The following CDH13 variants were observed in gnomAD, a reference collection of about 807,000 sequenced individuals.
The protein encoded by CDH13 is cadherin-13.
Under a neutral mutation model 63.8 loss-of-function variants are expected in CDH13, and 24 were observed. That is an observed-to-expected ratio of 0.38 (90% confidence interval 0.27 to 0.53). The LOEUF (loss-of-function observed/expected upper bound fraction) is 0.53, where lower values mean the gene tolerates loss of function less well. CDH13 is among the 20% of genes least tolerant of loss of function. CDH13 has a pLI of 0.85. For missense variants in CDH13, 1,049 were observed against 903.1 expected (o/e 1.16, Z -2.07); for synonymous variants, 503 against 355.3 (o/e 1.42, Z -4.67).
intron 5 of CDH13, among the ~76,000 whole-genome samples, chr16:83,241,501 G>T (rs1376701303): frequency 6.6e-6 from 1 of 152,110 alleles, no homozygotes; most frequent in Non-Finnish European, 1.5e-5. Context: ...TACTCTTTCT[G>T]TTTACTTGAT....
intron 1 of CDH13, among the ~76,000 whole-genome samples, chr16:82,832,743 C>A (rs1423892033): frequency 6.6e-6 from 1 of 152,132 alleles, no homozygotes; most frequent in African/African-American, 2.4e-5. Context: ...ATCAGTCAGC[C>A]TGGTACAAAT....
intron 2 of CDH13, among the ~76,000 whole-genome samples, chr16:83,011,167 C>T (rs1277123494): frequency 2.0e-5 from 3 of 152,098 alleles, no homozygotes; most frequent in African/African-American, 7.2e-5. Flanking sequence ...AGCTTCGAAG[C>T]CAAGCAGGTT....
chr16:83,014,886 G>GTA (rs531930602), intron 2 of CDH13, among the ~76,000 whole-genome samples: 3,157 of 133,096 alleles, frequency 0.024, 86 homozygotes, highest in Non-Finnish European at 0.035. Flanking sequence ...ATATGTTTGT[G>GTA]TATATATATA....
At chr16:83,285,543 TA>T (rs777326458) in intron 5 of CDH13, among the ~76,000 whole-genome samples, 1 of 151,986 alleles carries the variant, frequency 6.6e-6, no homozygotes, top group Admixed American at 6.6e-5. Flanking sequence ...ACCATAACCA[TA>T]AAAAAAGCAA....
chr16:83,581,461 A>G (rs1263457792), intron 7 of CDH13, among the ~76,000 whole-genome samples: 1 of 152,090 alleles, frequency 6.6e-6, no homozygotes, highest in East Asian at 1.9e-4. Flanking sequence ...CAAAATATCC[A>G]CATCTCCTCC....
At chr16:83,745,014 A>T (rs894005342) in intron 10 of CDH13, among the ~76,000 whole-genome samples, 4 of 152,176 alleles carry the variant, frequency 2.6e-5, no homozygotes, top group African/African-American at 7.2e-5. Flanking sequence ...CAAAGTTCAC[A>T]TATCTCTAGG....
intron 1 of CDH13, among the ~76,000 whole-genome samples, chr16:82,677,923 T>C (rs917671985): frequency 3.9e-5 from 6 of 152,186 alleles, no homozygotes; most frequent in African/African-American, 9.7e-5. Flanking sequence ...CTCTAAATGA[T>C]TGATGTCTGC....
chr16:83,336,948 A>T (rs1361430428), intron 5 of CDH13, among the ~76,000 whole-genome samples: 1 of 152,208 alleles, frequency 6.6e-6, no homozygotes, highest in Non-Finnish European at 1.5e-5. Context: ...CCTTTGGGTA[A>T]GATCTCAGTG....
chr16:83,388,638 C>G (rs1223468728), intron 6 of CDH13, among the ~76,000 whole-genome samples: 1 of 152,108 alleles, frequency 6.6e-6, no homozygotes, highest in Non-Finnish European at 1.5e-5. Flanking sequence ...CTCTGCATGG[C>G]CACTTTAGGC....
intron 6 of CDH13, among the ~76,000 whole-genome samples, chr16:83,382,666 T>G (rs2091591500): frequency 6.6e-6 from 1 of 152,166 alleles, no homozygotes; most frequent in Non-Finnish European, 1.5e-5. Context: ...TTCAGGGTTT[T>G]TCTAGCCCTC....
At chr16:83,506,848 G>A (rs552326160) in intron 7 of CDH13, among the ~76,000 whole-genome samples, 7 of 152,294 alleles carry the variant, frequency 4.6e-5, no homozygotes, top group African/African-American at 1.2e-4. Flanking sequence ...TTCTTTAGCC[G>A]TATGTGTGAG....
chr16:83,508,807 C>G (rs892634617), intron 7 of CDH13, among the ~76,000 whole-genome samples: 4 of 152,232 alleles, frequency 2.6e-5, no homozygotes, highest in Admixed American at 2.0e-4. Context: ...AGGCAGAGAG[C>G]TAGCTGGATC....
intron 8 of CDH13, among the ~76,000 whole-genome samples, chr16:83,630,787 A>G (rs1910711597): frequency 6.6e-6 from 1 of 152,212 alleles, no homozygotes; most frequent in African/African-American, 2.4e-5. Flanking sequence ...GAGGCCCACA[A>G]GGAATTTCCT....
At chr16:83,673,898 C>G (rs538141651) in intron 9 of CDH13, among the ~76,000 whole-genome samples, 1 of 152,332 alleles carries the variant, frequency 6.6e-6, no homozygotes, top group South Asian at 2.1e-4. Context: ...CCCACAGAGG[C>G]TGATGCTCTT....
chr16:83,336,297 T>G (rs2090594828), intron 5 of CDH13, among the ~76,000 whole-genome samples: 1 of 59,918 alleles, frequency 1.7e-5, no homozygotes, highest in Non-Finnish European at 3.6e-5. Flanking sequence ...CAAGACTCCA[T>G]CTCAAAAAAA....
At chr16:83,108,159 C>A (rs1441207528) in intron 3 of CDH13, among the ~76,000 whole-genome samples, 1 of 152,010 alleles carries the variant, frequency 6.6e-6, no homozygotes, top group Non-Finnish European at 1.5e-5. Context: ...CCTTCATTCC[C>A]CGGGTATGTA....
At chr16:83,530,036 C>G (rs953854714) in intron 7 of CDH13, among the ~76,000 whole-genome samples, 1 of 152,140 alleles carries the variant, frequency 6.6e-6, no homozygotes, top group Non-Finnish European at 1.5e-5. Flanking sequence ...GATGCAGACA[C>G]TGAGCTGGAC....
At position 83,006,928 on chromosome 16, in the gene CDH13, G is replaced by GTTT. The variant is rs1354618729; in HGVS notation, c.158-25081_158-25079dup. 1.4e-3 allele frequency among the ~76,000 whole-genome samples: 178 copies of GTTT among 128,072 alleles called. 3 individuals carry two copies. The highest frequency in any genetic ancestry group is 4.3e-3 in the African/African-American group (149 of 34,900). The allele number at this position is 128,072 out of a possible 152,430, so 84.0% of individuals were successfully genotyped here. A position where few individuals can be genotyped will look rare whatever the true frequency, so the allele number is the denominator to read the frequency against. On this transcript the variant is annotated intron_variant, in intron 2 of 13. Transcript: ENST00000567109. ...TTTTTGTTTGTTTGTTTGTTTGTTT[G>GTTT]TTTGTTTTTTTTGAGACAGAGTTTC...
intron 2 of CDH13, among the ~76,000 whole-genome samples, chr16:82,989,693 A>G (rs1478301208): frequency 6.6e-6 from 1 of 152,182 alleles, no homozygotes; most frequent in African/African-American, 2.4e-5. Flanking sequence ...GGTGCAGGGT[A>G]TTGCCTGCTT....
Sources: gnomAD v4.1 joint callset for allele counts (sites outside exome capture counted in the v4.1 genomes callset) on GRCh38, gnomAD v4.1.1 for gene constraint, MANE v1.5 for transcripts, NCBI Gene and HGNC (gene_info 2026-07-23, HGNC 2026-07-21) for gene names.